The following C2 variants were observed in gnomAD, a reference collection of about 807,000 sequenced individuals.
C2 encodes complement C2.
In C2, 64 loss-of-function variants were observed where a neutral mutation model predicts 85.2. That is an observed-to-expected ratio of 0.75 (90% CI 0.61 to 0.92). C2 has a LOEUF of 0.92. C2 is among the 40% of genes least tolerant of loss of function. C2 has a pLI of 0.00. For missense variants in C2, 820 were observed against 971.6 expected, an observed-to-expected ratio of 0.84 and a Z score of 2.07; for synonymous variants, 311 against 370.8, an observed-to-expected ratio of 0.84 and a Z score of 1.85.
At chr6:31,934,964 C>T (rs984930331) in intron 6 of C2, 9 of 384,462 alleles carry the variant, frequency 2.3e-5, no homozygotes, top group South Asian at 1.1e-4. Flanking sequence ...GCTGAGATCA[C>T]GCCATTGCAC....
At position 31,935,459 on chromosome 6, in the gene C2, ATTT is replaced by A. The variant is rs1220164493; in HGVS notation, c.850-461_850-459del. ...TCTTCCTTAGCTGCTGCTGTTCCTT[ATTT>A]TTATTATTATTATTATTATTATTAT... On this transcript the variant is annotated intron_variant, in intron 6 of 17. Coordinates refer to ENST00000299367, the MANE Select transcript of C2 (RefSeq NM_000063.6). The surrounding 1 kb of genome is among the most constrained non-coding windows in gnomAD (Gnocchi z 4.3). The A allele has an allele frequency of 5.2e-5, 8 of 152,930 alleles. No individual in the cohort carries two copies. Among genetic ancestry groups the A allele is most frequent in the Non-Finnish European group, 1.2e-4 (8 of 69,358 alleles). 9.5% of individuals were successfully genotyped at this position (152,930 alleles called of 1,614,324 possible). A position where few individuals can be genotyped will look rare whatever the true frequency, so the allele number is the denominator to read the frequency against.
upstream of C2, chr6:31,900,307 G>C (rs1767102705): frequency 1.2e-6 from 2 of 1,612,234 alleles, no homozygotes; most frequent in African/African-American, 1.3e-5. The surrounding 1 kb of genome is among the most constrained non-coding windows in gnomAD (Gnocchi z 9.7). Context: ...TGGTGCACTT[G>C]ATGTTCTTTA....
At chr6:31,911,930 C>CTTTTT (rs70990289) in intron 1 of C2, among the ~76,000 whole-genome samples, 2 of 122,942 alleles carry the variant, frequency 1.6e-5, no homozygotes, top group Non-Finnish European at 3.2e-5. Context: ...ATGTCTGGCC[C>CTTTTT]TTTTTTTTTT....
intron 3 of C2, among the ~76,000 whole-genome samples, chr6:31,932,934 C>T (rs548206209): frequency 9.2e-5 from 14 of 152,366 alleles, no homozygotes; most frequent in Non-Finnish European, 1.9e-4. Flanking sequence ...GCCAACACAG[C>T]GAAACCCCGT....
intron 1 of C2, among the ~76,000 whole-genome samples, chr6:31,902,280 G>A (rs1353450882): frequency 1.3e-5 from 2 of 151,640 alleles, no homozygotes; most frequent in Non-Finnish European, 2.9e-5. Context: ...CCCGCGGCCA[G>A]TTTGCGCGTG....
At chr6:31,909,786 A>G (rs531871300) in intron 1 of C2, among the ~76,000 whole-genome samples, 3 of 151,992 alleles carry the variant, frequency 2.0e-5, no homozygotes, top group Non-Finnish European at 4.4e-5. Context: ...TGTTTTCCAC[A>G]GCAGCTGCAC....
At position 31,935,966 on chromosome 6, in the gene C2, T is replaced by C; in HGVS notation, c.893T>C (p.Phe298Ser). ...AATGTGAGCGTTGCCATTATCACCT[T>C]TGCCTCAGAGCCCAAAGTCCTCATG... ...EINVSVAIIT[F>S]ASEPKVLMSV... Residue 298 changes from phenylalanine (F) to serine (S), a missense_variant, in exon 7 of 18, where the codon TTT becomes TCT. Phe to Ser is a radical substitution (Grantham distance 155). Transcript: ENST00000299367. The surrounding 1 kb of genome is among the most constrained non-coding windows in gnomAD (Gnocchi z 4.3). 1 of 1,613,010 alleles carries C rather than the reference T, an allele frequency of 6.2e-7. No individual in the cohort carries two copies. Among genetic ancestry groups the C allele is most frequent in the Non-Finnish European group, 8.5e-7 (1 of 1,180,004 alleles).
At chr6:31,910,478 G>A (rs1373940067) in intron 1 of C2, among the ~76,000 whole-genome samples, 3 of 151,788 alleles carry the variant, frequency 2.0e-5, no homozygotes, top group Non-Finnish European at 2.9e-5. Context: ...ACAGGCACAC[G>A]CCACCACACC....
intron 1 of C2, among the ~76,000 whole-genome samples, chr6:31,913,660 T>C (rs936822518): frequency 6.6e-6 from 1 of 152,184 alleles, no homozygotes; most frequent in Non-Finnish European, 1.5e-5. Flanking sequence ...TACTCTTTTT[T>C]TTTTGAGATG....
chr6:31,928,163 A>C lies in C2; in HGVS notation c.255A>C (p.Lys85Asn). Residue 85 changes from lysine to asparagine, a missense_variant and splice_region_variant, in exon 2 of 18, where the codon AAA (lysine) becomes AAC (asparagine). Physicochemically the swap from Lys to Asn is moderately conservative, Grantham distance 94. Transcript: ENST00000299367. Reference protein sequence around the residue: ...ATRSLSKAVCKPVRCPAPVSF... With the variant: ...ATRSLSKAVCNPVRCPAPVSF... Reference sequence around the variant, plus strand: ...GGTCTCTGTCTAAGGCGGTCTGCAAACGTGAGGCTCCCTGTGGGCTTTGCT... The same window carrying C: ...GGTCTCTGTCTAAGGCGGTCTGCAACCGTGAGGCTCCCTGTGGGCTTTGCT... 1.2e-6 allele frequency: 2 copies of C among 1,606,006 alleles called. No individual in the cohort carries two copies. The highest frequency in any genetic ancestry group is 1.1e-5 in the South Asian group (1 of 90,426).
At chr6:31,912,364 T>G (rs1007216054) in intron 1 of C2, among the ~76,000 whole-genome samples, 7 of 152,242 alleles carry the variant, frequency 4.6e-5, no homozygotes, top group African/African-American at 1.4e-4. Flanking sequence ...CCACACTGTT[T>G]GATCCACTGC....
At position 31,933,623 on chromosome 6, in the gene C2, C is replaced by T. The variant is rs1391772174; in HGVS notation, c.456C>T (p.Pro152=). The change falls in exon 4 of 18, where the codon CCC becomes CCT. Residue 152 remains proline, a synonymous_variant. Transcript: ENST00000299367. ...GTTCACTCGCAGCTGGCCACTGCCC[C>T]AACCCAGGCATTTCACTGGGCGCAG... ...AVCDNGAGHC[P]NPGISLGAVR... 1 of 1,613,088 alleles carries T rather than the reference C, an allele frequency of 6.2e-7. No homozygotes were observed. The highest frequency in any genetic ancestry group is 2.2e-5 in the East Asian group (1 of 44,892).
chr6:31,933,081 G>A (rs964601600), intron 3 of C2, among the ~76,000 whole-genome samples: 2 of 152,212 alleles, frequency 1.3e-5, no homozygotes, highest in Non-Finnish European at 2.9e-5. Flanking sequence ...GTCCAGCTTC[G>A]GCTCGGCATC....
In C2 at chr6:31,910,317, A is replaced by G. The variant is rs372908233; in HGVS notation, c.73+9178A>G. Reference sequence around the variant, plus strand: ...CCATTTGTGTGTCTTCTCTGGAGAAATATCTATTCAAGTCCTTTGCTCATT... The same window carrying G: ...CCATTTGTGTGTCTTCTCTGGAGAAGTATCTATTCAAGTCCTTTGCTCATT... On this transcript the variant is annotated intron_variant, in intron 1 of 3. Transcript: ENST00000452202. Among the ~76,000 whole-genome samples the G allele has an allele frequency of 7.0e-4, 106 of 151,336 alleles. No individual in the cohort carries two copies. In the South Asian group the frequency reaches 0.014, roughly 20 times the overall value.
At chr6:31,912,945 G>A (rs1367172159) in intron 1 of C2, among the ~76,000 whole-genome samples, 1 of 148,046 alleles carries the variant, frequency 6.8e-6, no homozygotes, top group Non-Finnish European at 1.5e-5. Context: ...TGTAATCCCA[G>A]CACTTTAGGA....
intron 8 of C2, among the ~76,000 whole-genome samples, chr6:31,938,557 T>A (rs7772063): frequency 0.12 from 17,543 of 151,034 alleles, 1,195 homozygotes; most frequent in African/African-American, 0.19. Context: ...AGTGGTGCGA[T>A]CTCGGCTCAC....
intron 3 of C2, among the ~76,000 whole-genome samples, chr6:31,929,865 A>T (rs1324409886): frequency 6.6e-6 from 1 of 151,368 alleles, no homozygotes; most frequent in African/African-American, 2.4e-5. Flanking sequence ...CTATACTAAA[A>T]ATACAAAAAT....
rs556020050 is a variant in C2, at chr6:31,937,260, T to C, written c.989-59T>C. 1.0e-4 allele frequency: 161 copies of C among 1,544,084 alleles called. 2 individuals are homozygous for C. The South Asian group carries it at 1.7e-3, about 16-fold the overall frequency. ...TAATTGGGGGAATAGAGTGATTCCC[T>C]ACCCCTAGGTGGTAGGTGGGAAGTT... On this transcript the variant is annotated intron_variant, in intron 7 of 17. Coordinates refer to ENST00000299367, the MANE Select transcript of C2 (RefSeq NM_000063.6).
chr6:31,922,797 G>T (rs113174711), upstream of C2, among the ~76,000 whole-genome samples: 74 of 152,282 alleles, frequency 4.9e-4, no homozygotes, highest in Admixed American at 6.5e-4. This position sits in a 1 kb window ranked among gnomAD's most constrained non-coding sequence, Gnocchi z 4.8. Flanking sequence ...AGCCGAGATC[G>T]TACTGCTTCA....
Sources: gnomAD v4.1 joint callset for allele counts (sites outside exome capture counted in the v4.1 genomes callset) on GRCh38, gnomAD v4.1.1 for gene constraint, Gnocchi (gnomAD v3.1) non-coding constraint, MANE v1.5 for transcripts, NCBI Gene and HGNC (gene_info 2026-07-23, HGNC 2026-07-21) for gene names.